CHSY3: variants seen among roughly 807,000 people sequenced by gnomAD.
CHSY3 encodes the protein N-acetylgalactosaminyl-proteoglycan 3-beta-glucuronosyltransferase 3.
A neutral mutation model predicts 67.2 loss-of-function variants in CHSY3; 35 were observed. The ratio of observed to expected loss-of-function variants is 0.52; its 90% CI spans 0.40 to 0.69. The LOEUF is 0.69. CHSY3 is among the 30% of genes least tolerant of loss of function. CHSY3 has a pLI of 0.00. For missense variants in CHSY3, 1,069 were observed against 1,138.5 expected, an observed-to-expected ratio of 0.94 and a Z score of 0.88; for synonymous variants, 474 against 434.7, an observed-to-expected ratio of 1.09 and a Z score of -1.12.
intron 2 of CHSY3, among the ~76,000 whole-genome samples, chr5:130,006,877 T>C (rs1364495364): frequency 2.6e-5 from 4 of 152,224 alleles, no homozygotes; most frequent in Admixed American, 2.6e-4. Flanking sequence ...GCTAGATGAC[T>C]AAGAAAATCA....
At chr5:130,169,136 T>A (rs900420637) in intron 2 of CHSY3, among the ~76,000 whole-genome samples, 12 of 152,120 alleles carry the variant, frequency 7.9e-5, no homozygotes, top group African/African-American at 2.9e-4. Context: ...TTTTTGTCAA[T>A]TAGATTTCAC....
At chr5:129,914,651 A>G (rs557703988) in intron 2 of CHSY3, among the ~76,000 whole-genome samples, 2 of 152,312 alleles carry the variant, frequency 1.3e-5, no homozygotes, top group African/African-American at 2.4e-5. Flanking sequence ...ATCATCATGC[A>G]TCGATTTTGT....
At chr5:129,940,721 G>T (rs956855177) in intron 2 of CHSY3, among the ~76,000 whole-genome samples, 2 of 151,852 alleles carry the variant, frequency 1.3e-5, no homozygotes, top group East Asian at 1.9e-4. Flanking sequence ...AGTATATACA[G>T]GTGTATAGAT....
intron 2 of CHSY3, among the ~76,000 whole-genome samples, chr5:129,924,987 G>T (rs1761054306): frequency 6.6e-6 from 1 of 152,148 alleles, no homozygotes; most frequent in Non-Finnish European, 1.5e-5. Context: ...TTGCTGAGTG[G>T]TGGGATAGGT....
chr5:129,914,405 G>A lies in CHSY3; in HGVS notation c.1086+6045G>A, dbSNP rs188904207. ...TGGGATTACAGGCGTAAGCCACCGC[G>A]CCCAGCCAAATTTCCCTCTTTTCTA... On this transcript the variant is annotated intron_variant, in intron 2 of 2. Coordinates refer to ENST00000305031, the MANE Select transcript of CHSY3 (RefSeq NM_175856.5). Among the ~76,000 whole-genome samples, 8 of 152,242 alleles carry A rather than the reference G, an allele frequency of 5.3e-5. No individual in the cohort carries two copies. The East Asian group carries it at 7.7e-4, about 15-fold the overall frequency.
chr5:130,069,349 A>AAGAT (rs1306975665), intron 2 of CHSY3, among the ~76,000 whole-genome samples: 1 of 152,060 alleles, frequency 6.6e-6, no homozygotes, highest in African/African-American at 2.4e-5. Flanking sequence ...TAAATAAACC[A>AAGAT]AGATAGAAGA....
chr5:130,160,905 T>A (rs1257491378), intron 2 of CHSY3, among the ~76,000 whole-genome samples: 10,191 of 144,928 alleles, frequency 0.07, 1,038 homozygotes, highest in African/African-American at 0.22. Context: ...ATTTTTTTTT[T>A]TTTATTTTTT....
intron 2 of CHSY3, among the ~76,000 whole-genome samples, chr5:130,062,807 A>G (rs966445557): frequency 2.0e-5 from 3 of 152,116 alleles, no homozygotes; most frequent in Non-Finnish European, 4.4e-5. Context: ...AGCTATTTAT[A>G]TATCAGACTG....
At chr5:130,060,809 C>T (rs1765687562) in intron 2 of CHSY3, among the ~76,000 whole-genome samples, 1 of 151,876 alleles carries the variant, frequency 6.6e-6, no homozygotes, top group Non-Finnish European at 1.5e-5. Flanking sequence ...ATCCCATTTA[C>T]AATAGACACA....
At chr5:130,160,110 A>G (rs1038555417) in intron 2 of CHSY3, among the ~76,000 whole-genome samples, 3 of 152,234 alleles carry the variant, frequency 2.0e-5, no homozygotes, top group African/African-American at 7.2e-5. Flanking sequence ...CAAATTTTGC[A>G]TTCCAGTTTG....
At chr5:129,905,894 C>A in intron 1 of CHSY3, 1 of 733,532 alleles carries the variant, frequency 1.4e-6, no homozygotes, top group Non-Finnish European at 2.1e-6. Context: ...CCGCCTCGCG[C>A]TTGTCCCTTA....
At chr5:130,082,237 T>G (rs945117216) in intron 2 of CHSY3, among the ~76,000 whole-genome samples, 2 of 151,828 alleles carry the variant, frequency 1.3e-5, no homozygotes, top group African/African-American at 4.8e-5. Flanking sequence ...GAAATGACAT[T>G]TAAAGTGGAC....
intron 2 of CHSY3, among the ~76,000 whole-genome samples, chr5:129,964,587 G>A (rs940357771): frequency 2.0e-5 from 3 of 151,600 alleles, no homozygotes; most frequent in Non-Finnish European, 4.4e-5. Context: ...AAAACAATGC[G>A]CAGTCCTATC....
At chr5:130,143,029 T>C (rs1199214321) in intron 2 of CHSY3, among the ~76,000 whole-genome samples, 2 of 152,212 alleles carry the variant, frequency 1.3e-5, no homozygotes, top group African/African-American at 2.4e-5. Context: ...ACTTAACACA[T>C]TGATCTACTG....
chr5:129,980,655 A>G (rs2149621916), intron 2 of CHSY3, among the ~76,000 whole-genome samples: 1 of 152,110 alleles, frequency 6.6e-6, no homozygotes, highest in East Asian at 1.9e-4. Flanking sequence ...TCTTTTATTG[A>G]TTGTGTCTCT....
At chr5:130,126,801 T>C (rs1768307166) in intron 2 of CHSY3, among the ~76,000 whole-genome samples, 2 of 152,180 alleles carry the variant, frequency 1.3e-5, no homozygotes, top group African/African-American at 2.4e-5. Flanking sequence ...GGCGCCTCTA[T>C]AATTATCCAA....
intron 2 of CHSY3, among the ~76,000 whole-genome samples, chr5:129,910,938 T>A (rs1760518448): frequency 6.6e-6 from 1 of 151,708 alleles, no homozygotes; most frequent in African/African-American, 2.4e-5. Context: ...TTTTGGTAAA[T>A]TTTTAAATTT....
chr5:130,105,788 A>G lies in CHSY3; in HGVS notation c.1087-78441A>G, dbSNP rs557964575. Among the ~76,000 whole-genome samples, 4 of 151,822 alleles carry G rather than the reference A, an allele frequency of 2.6e-5. No homozygotes were observed. In the South Asian group the frequency reaches 8.3e-4, roughly 31 times the overall value. Reference sequence around the variant, plus strand: ...CCAGGTTATTTTATAAGAAGATCCTATGTAAAGCAAGATTTTAAAAATATA... The same window carrying G: ...CCAGGTTATTTTATAAGAAGATCCTGTGTAAAGCAAGATTTTAAAAATATA... On this transcript the variant is annotated intron_variant, in intron 2 of 2. Coordinates refer to ENST00000305031, the MANE Select transcript of CHSY3 (RefSeq NM_175856.5).
chr5:130,122,162 T>C (rs1768054216), intron 2 of CHSY3, among the ~76,000 whole-genome samples: 1 of 149,300 alleles, frequency 6.7e-6, no homozygotes, highest in African/African-American at 2.6e-5. Context: ...TCAACAAATA[T>C]ATACATATAT....
Sources: gnomAD v4.1 joint callset for allele counts (sites outside exome capture counted in the v4.1 genomes callset) on GRCh38, gnomAD v4.1.1 for gene constraint, MANE v1.5 for transcripts, NCBI Gene and HGNC (gene_info 2026-07-23, HGNC 2026-07-21) for gene names.